The following DMD variants were observed in gnomAD, a reference collection of about 807,000 sequenced individuals.
DMD encodes mutant dystrophin.
DMD carries 63 observed loss-of-function variants against 330.1 expected under a neutral mutation model. That is an observed-to-expected ratio of 0.19 (90% CI 0.16 to 0.24). The LOEUF (loss-of-function observed/expected upper bound fraction) is 0.24, where lower values mean the gene tolerates loss of function less well. Among genes scored for constraint, DMD ranks in the 10% least tolerant of loss-of-function variants. The pLI, the probability that DMD is intolerant of heterozygous loss-of-function variation, is 1.00. For synonymous variants in DMD, 1,223 were observed against 959.8 expected, an observed-to-expected ratio of 1.27 and a Z score of -5.07; for missense variants, 3,344 against 2,684.1, an observed-to-expected ratio of 1.25 and a Z score of -5.43.
intron 1 of DMD, among the ~76,000 whole-genome samples, chrX:33,114,111 TA>T (rs961965503): frequency 2.2e-4 from 23 of 104,892 alleles, no homozygotes; most frequent in East Asian, 1.5e-3. Context: ...ATATTATTAT[TA>T]TTTTTTTTTT....
At chrX:33,221,327 T>C (rs1165196111) in intron 1 of DMD, among the ~76,000 whole-genome samples, 2 of 111,464 alleles carry the variant, frequency 1.8e-5, no homozygotes, top group Non-Finnish European at 3.8e-5. Flanking sequence ...CTTGAAGACT[T>C]TCGTCTCAGA....
intron 20 of DMD, among the ~76,000 whole-genome samples, chrX:32,485,973 C>T (rs927411032): frequency 9.1e-6 from 1 of 109,543 alleles, no homozygotes; most frequent in Non-Finnish European, 1.9e-5. Flanking sequence ...AAACTGCTGA[C>T]CTCATGATCC....
At chrX:32,316,000 A>G (rs1396606310) in intron 41 of DMD, among the ~76,000 whole-genome samples, 2 of 111,577 alleles carry the variant, frequency 1.8e-5, no homozygotes, top group Non-Finnish European at 3.8e-5. Flanking sequence ...ATAATGAAGA[A>G]GCTCTTATTA....
chrX:33,306,835 C>T (rs2053770174), intron 1 of DMD, among the ~76,000 whole-genome samples: 1 of 111,187 alleles, frequency 9.0e-6, no homozygotes, highest in African/African-American at 3.3e-5. Flanking sequence ...TACTATGGCG[C>T]TACCCTGCCT....
chrX:33,181,589 C>G (rs1272783066), intron 1 of DMD, among the ~76,000 whole-genome samples: 1 of 111,582 alleles, frequency 9.0e-6, no homozygotes, highest in Non-Finnish European at 1.9e-5. Flanking sequence ...AAAATGGGAA[C>G]AATAATAGCT....
At chrX:32,889,474 T>C (rs770552531) in intron 2 of DMD, among the ~76,000 whole-genome samples, 48 of 110,612 alleles carry the variant, frequency 4.3e-4, no homozygotes, top group African/African-American at 1.5e-3. Context: ...GTGTCAGGAC[T>C]CTGAGCTAAG....
intron 4 of DMD, among the ~76,000 whole-genome samples, chrX:32,831,796 C>A (rs2079177859): frequency 9.1e-6 from 1 of 109,502 alleles, no homozygotes; most frequent in African/African-American, 3.3e-5. Context: ...TTGTTAGATG[C>A]AGAGAGAGAT....
At chrX:31,757,052 C>T (rs1490094084) in intron 51 of DMD, among the ~76,000 whole-genome samples, 6 of 109,344 alleles carry the variant, frequency 5.5e-5, no homozygotes, top group African/African-American at 1.3e-4. Context: ...ATGAAAACAT[C>T]GATCTTTAAA....
chrX:32,714,241 A>G (rs777182877), intron 7 of DMD, among the ~76,000 whole-genome samples: 1 of 111,429 alleles, frequency 9.0e-6, no homozygotes, highest in South Asian at 3.8e-4. Flanking sequence ...TGTAGTGATC[A>G]AGTCTCGGCT....
At chrX:33,092,374 C>G (rs1446149716) in intron 1 of DMD, among the ~76,000 whole-genome samples, 2 of 112,029 alleles carry the variant, frequency 1.8e-5, no homozygotes, top group Non-Finnish European at 3.8e-5. Context: ...TTTGCTAAAA[C>G]TTACTACCAA....
At chrX:33,056,950 G>A (rs1297368917) in intron 1 of DMD, among the ~76,000 whole-genome samples, 2 of 111,282 alleles carry the variant, frequency 1.8e-5, no homozygotes, top group Non-Finnish European at 3.8e-5. Context: ...CTCGTTCTCT[G>A]TTATGAAAAA....
At position 31,541,727 on chromosome X, in the gene DMD, C is replaced by T. The variant is rs188303788; in HGVS notation, c.8218-34274G>A. On this transcript the variant is annotated intron_variant, in intron 55 of 78. Transcript: ENST00000357033. The stretch of plus-strand genomic sequence containing the variant: ...ATATATGTGCCACATTTTCTTAATC[C>T]GGTCTATCATTGATGGACATTTGGG... Among the ~76,000 whole-genome samples, 42 of 110,155 alleles carry T rather than the reference C, an allele frequency of 3.8e-4. No individual in the cohort carries two copies. The East Asian group carries it at 6.6e-3, about 17-fold the overall frequency.
intron 61 of DMD, among the ~76,000 whole-genome samples, chrX:31,344,105 T>C (rs1046280042): frequency 9.2e-6 from 1 of 109,039 alleles, no homozygotes; most frequent in African/African-American, 3.4e-5. Context: ...CCTGCCTCAG[T>C]TTCCCAAAGA....
At chrX:31,817,177 G>A (rs937839404) in intron 50 of DMD, among the ~76,000 whole-genome samples, 7 of 112,067 alleles carry the variant, frequency 6.2e-5, no homozygotes, top group African/African-American at 2.3e-4. Context: ...ACAAGTATAT[G>A]TGTAGCTTCT....
intron 60 of DMD, among the ~76,000 whole-genome samples, chrX:31,385,974 C>T (rs1456755828): frequency 1.8e-5 from 2 of 112,179 alleles, no homozygotes; most frequent in South Asian, 3.7e-4. Flanking sequence ...TTGGAACCAA[C>T]CCAAATGTCC....
At chrX:32,332,564 C>T (rs1333756542) in intron 41 of DMD, among the ~76,000 whole-genome samples, 3 of 109,801 alleles carry the variant, frequency 2.7e-5, no homozygotes, top group Non-Finnish European at 3.8e-5. Context: ...GCAGAGGTAG[C>T]ACACAATGCA....
In DMD at chrX:32,904,045, A is replaced by T. The variant is rs749879246; in HGVS notation, c.94-54225T>A. Among the ~76,000 whole-genome samples the T allele has an allele frequency of 3.6e-5, 4 of 112,285 alleles. No homozygotes were observed. The South Asian group carries it at 1.5e-3, about 41-fold the overall frequency. ...TTTCAACTGTCAAACCAGGTAAGGA[A>T]GTTAATAATGGATAACAATATCAAA... On this transcript the variant is annotated intron_variant, in intron 2 of 78. Coordinates refer to ENST00000357033, the MANE Select transcript of DMD (RefSeq NM_004006.3).
At chrX:31,725,968 T>C (rs1036911847) in intron 52 of DMD, among the ~76,000 whole-genome samples, 1 of 112,259 alleles carries the variant, frequency 8.9e-6, no homozygotes, top group Non-Finnish European at 1.9e-5. Flanking sequence ...AGGAAGAAAA[T>C]TTAAATTCTT....
At chrX:32,935,156 TTTTAGTAG>T (rs1435795953) in intron 2 of DMD, among the ~76,000 whole-genome samples, 1 of 112,769 alleles carries the variant, frequency 8.9e-6, no homozygotes, top group Admixed American at 9.3e-5. Context: ...TTTCTTGTAT[TTTTAGTAG>T]AGACGGGGTT....
Sources: allele counts gnomAD v4.1 joint callset (sites outside exome capture counted in the v4.1 genomes callset), GRCh38; gene constraint gnomAD v4.1.1; transcripts MANE v1.5; gene names NCBI Gene and HGNC (gene_info 2026-07-23, HGNC 2026-07-21).